Variants in DHRSX observed in about 807,000 individuals in gnomAD.
DHRSX encodes the protein dehydrogenase/reductase X-linked.
In DHRSX, 31 loss-of-function variants were observed where a neutral mutation model predicts 34.0. The ratio of observed to expected loss-of-function variants is 0.91; its 90% CI spans 0.69 to 1.23. DHRSX has a LOEUF of 1.23. DHRSX is among the 50% of genes most tolerant of loss of function. The pLI is 0.00. For missense variants in DHRSX, 414 were observed against 428.1 expected, an observed-to-expected ratio of 0.97 and a Z score of 0.29; for synonymous variants, 201 against 183.8, an observed-to-expected ratio of 1.09 and a Z score of -0.76.
chrX:2,375,446 T>C (rs1196055877), intron 3 of DHRSX, among the ~76,000 whole-genome samples: 1 of 138,348 alleles, frequency 7.2e-6, no homozygotes, highest in Admixed American at 7.2e-5. Context: ...TCCCTTCCCC[T>C]CGCAGTTTAT....
At chrX:2,225,487 C>T (rs917212458) in intron 6 of DHRSX, among the ~76,000 whole-genome samples, 2 of 152,216 alleles carry the variant, frequency 1.3e-5, no homozygotes, top group Non-Finnish European at 2.9e-5. Context: ...CACACTCATA[C>T]ACATGCACAG....
At chrX:2,259,917 A>C (rs187449958) in intron 5 of DHRSX, among the ~76,000 whole-genome samples, 1 of 152,160 alleles carries the variant, frequency 6.6e-6, no homozygotes, top group African/African-American at 2.4e-5. Flanking sequence ...ACACCGGCAA[A>C]GTTCTTTATT....
At chrX:2,333,641 C>T (rs2042511508) in intron 3 of DHRSX, among the ~76,000 whole-genome samples, 1 of 152,064 alleles carries the variant, frequency 6.6e-6, no homozygotes, top group South Asian at 2.1e-4. Flanking sequence ...TCTCGAACTC[C>T]TGACCTCGTG....
At chrX:2,461,596 C>A (rs2044403063) in intron 1 of DHRSX, among the ~76,000 whole-genome samples, 1 of 152,204 alleles carries the variant, frequency 6.6e-6, no homozygotes. Flanking sequence ...GGCTGCACGA[C>A]AGTGATGCAA....
chrX:2,330,299 G>A (rs1602955537), intron 3 of DHRSX, among the ~76,000 whole-genome samples: 2 of 151,892 alleles, frequency 1.3e-5, no homozygotes, highest in South Asian at 4.2e-4. Flanking sequence ...GAGGCAGGTG[G>A]ATCACGAGGT....
chrX:2,226,700 C>G (rs2015670515), intron 6 of DHRSX, among the ~76,000 whole-genome samples: 1 of 151,882 alleles, frequency 6.6e-6, no homozygotes, highest in Admixed American at 6.6e-5. Flanking sequence ...ACTCGGGAGG[C>G]AGGAGAATGG....
intron 3 of DHRSX, among the ~76,000 whole-genome samples, chrX:2,398,505 C>T (rs1008593153): frequency 6.6e-5 from 10 of 151,996 alleles, no homozygotes; most frequent in South Asian, 4.2e-4. Flanking sequence ...CACAACACAC[C>T]GTCATTTCTG....
intron 5 of DHRSX, among the ~76,000 whole-genome samples, chrX:2,262,599 C>T (rs924609245): frequency 1.4e-4 from 22 of 152,232 alleles, no homozygotes; most frequent in African/African-American, 4.8e-4. Context: ...CACACAGGCA[C>T]GCACACATGC....
At chrX:2,247,352 A>C (rs2016321145) in intron 5 of DHRSX, among the ~76,000 whole-genome samples, 1 of 149,666 alleles carries the variant, frequency 6.7e-6, no homozygotes, top group Non-Finnish European at 1.5e-5. Context: ...GCAGACCCTG[A>C]AACTATAAAA....
At chrX:2,360,880 A>T (rs1055654392) in intron 3 of DHRSX, among the ~76,000 whole-genome samples, 1 of 152,106 alleles carries the variant, frequency 6.6e-6, no homozygotes, top group African/African-American at 2.4e-5. Flanking sequence ...TTGAATGACT[A>T]AACACCAAAT....
intron 4 of DHRSX, among the ~76,000 whole-genome samples, chrX:2,288,126 TA>T (rs111835918): frequency 0.65 from 96,890 of 148,546 alleles, 31,975 homozygotes; most frequent in Middle Eastern, 0.75. Context: ...GTGAAGGAGA[TA>T]AAAAAAAAGA....
At chrX:2,473,240 G>A (rs1164328695) in intron 1 of DHRSX, among the ~76,000 whole-genome samples, 1 of 152,142 alleles carries the variant, frequency 6.6e-6, no homozygotes, top group Non-Finnish European at 1.5e-5. Flanking sequence ...ATTGTAACAG[G>A]GACAAAGTCC....
At chrX:2,409,178 C>G in intron 2 of DHRSX, among the ~76,000 whole-genome samples, 1 of 152,274 alleles carries the variant, frequency 6.6e-6, no homozygotes, top group East Asian at 1.9e-4. Context: ...TTCGAAGGAG[C>G]TTTTATGCTG....
intron 1 of DHRSX, among the ~76,000 whole-genome samples, chrX:2,459,436 A>G (rs2044366008): frequency 6.6e-6 from 1 of 151,490 alleles, no homozygotes; most frequent in African/African-American, 2.4e-5. Flanking sequence ...AATGTTAATT[A>G]GCTTCATTGC....
At chrX:2,227,444 A>G (rs2015696515) in intron 6 of DHRSX, among the ~76,000 whole-genome samples, 1 of 148,524 alleles carries the variant, frequency 6.7e-6, no homozygotes, top group African/African-American at 2.5e-5. Flanking sequence ...ACACAGAGAG[A>G]GAGGGAGGGA....
In DHRSX at chrX:2,268,942, G is replaced by C. The variant is rs150669921; in HGVS notation, c.389-1995C>G. Reference sequence around the variant, plus strand: ...TTGCATTTGCAAATGCATTTGAGGTGTATGATTAATACACACACACACCTA... The same window carrying C: ...TTGCATTTGCAAATGCATTTGAGGTCTATGATTAATACACACACACACCTA... On this transcript the variant is annotated intron_variant, in intron 4 of 6. Coordinates refer to ENST00000334651, the MANE Select transcript of DHRSX (RefSeq NM_145177.3). Among the ~76,000 whole-genome samples, 665 of 152,310 alleles carry C rather than the reference G, an allele frequency of 4.4e-3. 5 individuals are homozygous for C. Among genetic ancestry groups the C allele is most frequent in the African/African-American group, 0.015 (642 of 41,574 alleles).
chrX:2,229,522 G>A (rs369606377), intron 6 of DHRSX, among the ~76,000 whole-genome samples: 10 of 152,206 alleles, frequency 6.6e-5, no homozygotes, highest in African/African-American at 1.2e-4. Context: ...TTTCTGGGAT[G>A]CTGACTCACA....
intron 4 of DHRSX, among the ~76,000 whole-genome samples, chrX:2,272,011 A>C (rs1437428035): frequency 1.3e-5 from 2 of 152,176 alleles, no homozygotes; most frequent in Non-Finnish European, 2.9e-5. Context: ...ACTGCACTCC[A>C]GCCTGGGCGA....
At chrX:2,491,527 C>T (rs1486934520) in intron 1 of DHRSX, among the ~76,000 whole-genome samples, 19 of 152,192 alleles carry the variant, frequency 1.2e-4, no homozygotes, top group Admixed American at 1.2e-3. Flanking sequence ...CCAACCATCA[C>T]AGCAGGACTC....
Sources: gnomAD v4.1 joint callset for allele counts (sites outside exome capture counted in the v4.1 genomes callset) on GRCh38, gnomAD v4.1.1 for gene constraint, MANE v1.5 for transcripts, NCBI Gene and HGNC (gene_info 2026-07-23, HGNC 2026-07-21) for gene names.